TANC2: variants seen among roughly 807,000 people sequenced by gnomAD.
TANC2 encodes protein TANC2.
TANC2 carries 26 observed loss-of-function variants against 210.5 expected under a neutral mutation model. The ratio of observed to expected loss-of-function variants is 0.12; its 90% CI spans 0.09 to 0.17. TANC2 has a LOEUF of 0.17. TANC2 is among the 10% of genes least tolerant of loss of function. The pLI is 1.00. For missense variants in TANC2, 2,129 were observed against 2,608.9 expected, an observed-to-expected ratio of 0.82 and a Z score of 4.01; for synonymous variants, 931 against 967.1, an observed-to-expected ratio of 0.96 and a Z score of 0.69.
intron 8 of TANC2, among the ~76,000 whole-genome samples, chr17:63,254,735 T>G: frequency 6.6e-6 from 1 of 152,248 alleles, no homozygotes; most frequent in Admixed American, 6.5e-5. Context: ...GAAATGATTG[T>G]ATTATTTTTG....
chr17:63,364,582 A>C (rs961920706), intron 14 of TANC2, among the ~76,000 whole-genome samples: 1 of 152,194 alleles, frequency 6.6e-6, no homozygotes, highest in African/African-American at 2.4e-5. Flanking sequence ...AAAGGCCCAG[A>C]AGTGATGACT....
chr17:63,330,209 GAA>G (rs953274975), intron 11 of TANC2, among the ~76,000 whole-genome samples: 1 of 152,146 alleles, frequency 6.6e-6, no homozygotes, highest in Non-Finnish European at 1.5e-5. Flanking sequence ...GGAAGCTTCA[GAA>G]AAAGAGTTTG....
intron 1 of TANC2, among the ~76,000 whole-genome samples, chr17:62,996,279 C>A (rs892439848): frequency 3.3e-5 from 5 of 152,172 alleles, no homozygotes; most frequent in African/African-American, 1.2e-4. Flanking sequence ...TCCTTGTGGA[C>A]AAACTGTAAC....
At chr17:63,105,545 G>A (rs1284471395) in intron 4 of TANC2, among the ~76,000 whole-genome samples, 4 of 151,646 alleles carry the variant, frequency 2.6e-5, no homozygotes, top group Non-Finnish European at 5.9e-5. Context: ...AATTCAAGAT[G>A]TACTGTGGTG....
intron 7 of TANC2, among the ~76,000 whole-genome samples, chr17:63,234,713 AG>A (rs1277868088): frequency 3.9e-5 from 6 of 152,276 alleles, no homozygotes; most frequent in African/African-American, 1.4e-4. Flanking sequence ...AGTGTAGTAA[AG>A]GAGGCAAGGT....
rs549342153 is a variant in TANC2, at chr17:63,302,291, G to A, written c.1160-12097G>A. On this transcript the variant is annotated intron_variant, in intron 9 of 27. Coordinates refer to ENST00000689528, the Ensembl canonical transcript of TANC2. ...GGAGAGTTCTGTAGATGTCTATCAC[G>A]TCCACTTGATCCAGAGCTGAGTTCC... is the stretch of plus-strand genomic sequence containing the variant. Among the ~76,000 whole-genome samples, 33 of 152,116 alleles carry A rather than the reference G, an allele frequency of 2.2e-4. 1 individual carries two copies. The South Asian group carries it at 3.9e-3, about 18-fold the overall frequency.
intron 4 of TANC2, chr17:63,150,581 A>C (rs536838738): frequency 6.6e-6 from 1 of 152,326 alleles, no homozygotes; most frequent in South Asian, 2.1e-4. Flanking sequence ...TAACTAAATC[A>C]CATGTCTTTA....
At chr17:63,056,174 TAAAAAA>T (rs79110107) in intron 2 of TANC2, among the ~76,000 whole-genome samples, 2,232 of 118,846 alleles carry the variant, frequency 0.019, 64 homozygotes, top group African/African-American at 0.064. Flanking sequence ...GACTCTGTGT[TAAAAAA>T]AAAAAAAAAA....
intron 5 of TANC2, among the ~76,000 whole-genome samples, chr17:63,189,486 T>C (rs2041114470): frequency 6.6e-6 from 1 of 152,252 alleles, no homozygotes; most frequent in South Asian, 2.1e-4. Flanking sequence ...TGGTTTTGAT[T>C]TGCATTTCCC....
At chr17:63,330,655 CTG>C (rs2045808018) in intron 11 of TANC2, among the ~76,000 whole-genome samples, 1 of 152,144 alleles carries the variant, frequency 6.6e-6, no homozygotes, top group African/African-American at 2.4e-5. Context: ...GTTTTCCAGA[CTG>C]TTAAACATGG....
chr17:63,102,533 A>G (rs1399303042), intron 4 of TANC2, among the ~76,000 whole-genome samples: 1 of 151,832 alleles, frequency 6.6e-6, no homozygotes, highest in African/African-American at 2.4e-5. Flanking sequence ...CAGGTTTGTT[A>G]CATATGTATA....
intron 14 of TANC2, among the ~76,000 whole-genome samples, chr17:63,359,033 T>C (rs190831237): frequency 6.6e-6 from 1 of 150,892 alleles, no homozygotes; most frequent in African/African-American, 2.5e-5. Context: ...ATTAAAAGAC[T>C]ACTGCGTTAT....
In TANC2 at chr17:63,084,345, G is replaced by A. The variant is rs144995849; in HGVS notation, c.139+10331G>A. Among the ~76,000 whole-genome samples the A allele has an allele frequency of 8.3e-3, 1,262 of 152,014 alleles. 15 individuals are homozygous for A. The highest frequency in any genetic ancestry group is 0.028 in the African/African-American group (1,165 of 41,494). On this transcript the variant is annotated intron_variant, in intron 3 of 27. Coordinates refer to ENST00000689528, the Ensembl canonical transcript of TANC2. ...GGTGATACCCCTCTTTCATTTCTGG[G>A]ATTAGTAATTTGTGTCTCTTTCTCT... is the stretch of plus-strand genomic sequence containing the variant.
intron 2 of TANC2, among the ~76,000 whole-genome samples, chr17:63,035,669 C>T (rs1378938369): frequency 6.6e-6 from 1 of 152,120 alleles, no homozygotes; most frequent in Non-Finnish European, 1.5e-5. Context: ...TATAAACATT[C>T]ATATATGGGT....
chr17:62,996,190 T>C (rs1467189308), intron 1 of TANC2, among the ~76,000 whole-genome samples: 1 of 152,214 alleles, frequency 6.6e-6, no homozygotes, highest in Non-Finnish European at 1.5e-5. Context: ...TTTGTGTTTC[T>C]GTCTAGTATT....
rs189496737 is a variant in TANC2, at chr17:63,223,895, G to T, written c.770-13919G>T. On this transcript the variant is annotated intron_variant, in intron 7 of 27. Coordinates refer to ENST00000689528, the Ensembl canonical transcript of TANC2. ...TTTAAAGTGGGTAGCTTTATGTTAT[G>T]TGTATTTTACCTCAAGCACACATAC... Among the ~76,000 whole-genome samples the T allele has an allele frequency of 2.0e-3, 307 of 152,154 alleles. 4 individuals are homozygous for T. The highest frequency in any genetic ancestry group is 6.9e-3 in the Admixed American group (106 of 15,268).
At chr17:63,080,578 A>G (rs1297145869) in intron 3 of TANC2, among the ~76,000 whole-genome samples, 2 of 152,346 alleles carry the variant, frequency 1.3e-5, no homozygotes, top group African/African-American at 4.8e-5. Flanking sequence ...TGGTGTGTCA[A>G]TAGAACTAGT....
chr17:63,317,022 G>C (rs1191527824), intron 10 of TANC2, among the ~76,000 whole-genome samples: 1 of 151,630 alleles, frequency 6.6e-6, no homozygotes, highest in Admixed American at 6.6e-5. Context: ...ATCATATTAA[G>C]CTTGGATGGG....
At chr17:63,262,068 AAGG>A (rs752263529) in intron 8 of TANC2, among the ~76,000 whole-genome samples, 49 of 152,348 alleles carry the variant, frequency 3.2e-4, no homozygotes, top group Admixed American at 1.1e-3. Flanking sequence ...AAATAAGGGA[AAGG>A]AGGCGAGAAA....
Sources: allele counts gnomAD v4.1 joint callset (sites outside exome capture counted in the v4.1 genomes callset), GRCh38; gene constraint gnomAD v4.1.1; transcripts MANE v1.5; gene names NCBI Gene and HGNC (gene_info 2026-07-23, HGNC 2026-07-21).